PRKG1: variants seen among roughly 807,000 people sequenced by gnomAD.
PRKG1 encodes cGMP-dependent protein kinase 1.
In PRKG1, 35 loss-of-function variants were observed where a neutral mutation model predicts 88.1. That is an observed-to-expected ratio of 0.40 (90% confidence interval 0.30 to 0.53). PRKG1 has a LOEUF of 0.53. PRKG1 is among the 20% of genes least tolerant of loss of function. The probability of loss-of-function intolerance (pLI) is 0.59; values close to 1 mark genes in which losing one functional copy is unlikely to be tolerated. For missense variants in PRKG1, 540 were observed against 839.8 expected, an observed-to-expected ratio of 0.64 and a Z score of 4.41; for synonymous variants, 303 against 292.5, an observed-to-expected ratio of 1.04 and a Z score of -0.37.
At chr10:51,016,643 A>G (rs1203831923) in intron 1 of PRKG1, among the ~76,000 whole-genome samples, 1 of 125,542 alleles carries the variant, frequency 8.0e-6, no homozygotes, top group Non-Finnish European at 1.7e-5. Context: ...TTCTAACCAT[A>G]ACCCAGTGAA....
At chr10:51,776,283 T>G (rs1242265597) in intron 3 of PRKG1, among the ~76,000 whole-genome samples, 1 of 152,198 alleles carries the variant, frequency 6.6e-6, no homozygotes, top group Non-Finnish European at 1.5e-5. Flanking sequence ...CTAATTCCAC[T>G]TAGTGGTTGT....
In PRKG1 at chr10:51,313,923, GT is replaced by G. The variant is rs535845932; in HGVS notation, c.479-153796del. Among the ~76,000 whole-genome samples, 510 of 152,208 alleles carry G rather than the reference GT, an allele frequency of 3.4e-3. 1 individual carries two copies. The highest frequency in any genetic ancestry group is 4.1e-3 in the Non-Finnish European group (282 of 68,008). On this transcript the variant is annotated intron_variant, in intron 2 of 17. Transcript: ENST00000373980. ...TTTCATGAAAACATTTTTCTGAATA[GT>G]TTTGATTTGCATTTGGATGAATCCA...
At position 51,241,114 on chromosome 10, in the gene PRKG1, T is replaced by G. The variant is rs117860811; in HGVS notation, c.478+87784T>G. Among the ~76,000 whole-genome samples, 62 of 152,278 alleles carry G rather than the reference T, an allele frequency of 4.1e-4. No individual in the cohort carries two copies. The East Asian group carries it at 4.2e-3, about 10-fold the overall frequency. On this transcript the variant is annotated intron_variant, in intron 2 of 17. Coordinates refer to ENST00000373980, the MANE Select transcript of PRKG1 (RefSeq NM_006258.4). ...CCTATTAGGATCCCTGTTTTGAAGATGAACTGAGGCTCATGTTTAGCCCAA... is the reference window on the plus strand; with the variant it reads ...CCTATTAGGATCCCTGTTTTGAAGAGGAACTGAGGCTCATGTTTAGCCCAA...
intron 2 of PRKG1, among the ~76,000 whole-genome samples, chr10:51,345,266 T>A (rs1264175269): frequency 6.6e-6 from 1 of 152,196 alleles, no homozygotes; most frequent in African/African-American, 2.4e-5. Context: ...TTCTAGTGTT[T>A]TTATTATTAC....
chr10:51,380,899 C>T (rs1158181920), intron 2 of PRKG1, among the ~76,000 whole-genome samples: 2 of 152,092 alleles, frequency 1.3e-5, no homozygotes, highest in Non-Finnish European at 2.9e-5. Flanking sequence ...GGGAGAAGAA[C>T]TTGTGTGCTG....
At chr10:51,125,211 C>A (rs1438928704) in intron 1 of PRKG1, among the ~76,000 whole-genome samples, 1 of 151,942 alleles carries the variant, frequency 6.6e-6, no homozygotes, top group Non-Finnish European at 1.5e-5. Context: ...GTGGTCCCAG[C>A]TACTCATGAG....
chr10:52,214,440 C>T (rs561420434), intron 9 of PRKG1, among the ~76,000 whole-genome samples: 3 of 152,190 alleles, frequency 2.0e-5, no homozygotes, highest in South Asian at 2.1e-4. Flanking sequence ...GAATCATCAC[C>T]GCACTAACAT....
intron 2 of PRKG1, among the ~76,000 whole-genome samples, chr10:51,240,057 T>C (rs1391974290): frequency 2.0e-5 from 3 of 152,162 alleles, no homozygotes; most frequent in Non-Finnish European, 4.4e-5. Context: ...TCTGAGCAGG[T>C]ATTAATTTAG....
rs376397116 is a variant in PRKG1 at position 50,991,397 on chromosome 10, G to T, written c.19G>T (p.Asp7Tyr). Residue 7 changes from aspartate (D) to tyrosine (Y), a missense_variant, in exon 1 of 18, where the codon GAC (aspartate) becomes TAC (tyrosine). Asp to Tyr is a radical substitution (Grantham distance 160, BLOSUM62 -3). Coordinates refer to the PRKG1 transcript ENST00000401604. This position sits in a 1 kb window ranked among gnomAD's most constrained non-coding sequence, Gnocchi z 4.5. ...TGAAAAAATGAGCGAGCTAGAGGAA[G>T]ACTTTGCCAAGATTCTCATGCTCAA... 22 of 1,552,296 alleles carry T rather than the reference G, an allele frequency of 1.4e-5. No homozygotes were observed. Among genetic ancestry groups the T allele is most frequent in the Non-Finnish European group, 1.8e-5 (21 of 1,149,408 alleles).
At chr10:51,955,423 G>A (rs979578203) in intron 5 of PRKG1, among the ~76,000 whole-genome samples, 3 of 152,136 alleles carry the variant, frequency 2.0e-5, no homozygotes, top group African/African-American at 7.2e-5. Flanking sequence ...TTTTTCATAT[G>A]TACTATACTT....
intron 1 of PRKG1, among the ~76,000 whole-genome samples, chr10:51,135,914 G>A (rs1343799798): frequency 1.4e-5 from 2 of 147,784 alleles, no homozygotes; most frequent in Non-Finnish European, 3.0e-5. Context: ...GAAATATTTA[G>A]GAGGTAGCCA....
In PRKG1 at chr10:52,251,558, C is replaced by A. The variant is rs558904618; in HGVS notation, c.1077-12C>A. ...CTAAGAAATTTCCATTTTTTCACAT[C>A]AAAAAATCCAGATATGAAGCTGAAG... On this transcript the variant is annotated splice_polypyrimidine_tract_variant and intron_variant, in intron 9 of 17. Transcript: ENST00000373980. The A allele has an allele frequency of 1.6e-5, 26 of 1,610,702 alleles. No individual in the cohort carries two copies. Among genetic ancestry groups the A allele is most frequent in the Non-Finnish European group, 2.2e-5 (26 of 1,177,314 alleles).
At chr10:52,191,560 T>C (rs1194000772) in intron 9 of PRKG1, among the ~76,000 whole-genome samples, 1 of 152,218 alleles carries the variant, frequency 6.6e-6, no homozygotes, top group East Asian at 1.9e-4. Context: ...TTCCTCTTGA[T>C]AGCCTTTGTA....
chr10:51,747,335 C>T (rs1256914996), intron 3 of PRKG1, among the ~76,000 whole-genome samples: 1 of 152,128 alleles, frequency 6.6e-6, no homozygotes. Flanking sequence ...ACTCTGGGCA[C>T]TCTCAGGTTA....
At chr10:51,174,100 T>C (rs937100097) in intron 2 of PRKG1, among the ~76,000 whole-genome samples, 1 of 151,866 alleles carries the variant, frequency 6.6e-6, no homozygotes, top group African/African-American at 2.4e-5. Context: ...CACAAAAATA[T>C]AAGTATGTGA....
At chr10:51,506,866 G>T (rs539374121) in intron 3 of PRKG1, among the ~76,000 whole-genome samples, 2 of 152,200 alleles carry the variant, frequency 1.3e-5, no homozygotes, top group South Asian at 4.2e-4. Context: ...GTTTATTGCA[G>T]CACTAATCAC....
chr10:51,249,696 G>C (rs10996322), intron 2 of PRKG1, among the ~76,000 whole-genome samples: 13,825 of 151,748 alleles, frequency 0.091, 764 homozygotes, highest in Middle Eastern at 0.15. Flanking sequence ...AAATTGTTAT[G>C]TTTAACAAAG....
chr10:51,003,167 AC>A (rs1238784059), intron 1 of PRKG1, among the ~76,000 whole-genome samples: 1 of 1,814 alleles, frequency 5.5e-4, no homozygotes, highest in African/African-American at 0.011. Flanking sequence ...CAGGGCCAAA[AC>A]AACAACAACA....
At chr10:51,447,113 G>A (rs1483119572) in intron 2 of PRKG1, among the ~76,000 whole-genome samples, 2 of 151,920 alleles carry the variant, frequency 1.3e-5, no homozygotes, top group African/African-American at 2.4e-5. Context: ...ATCACCTATA[G>A]CCAAACACAT....
Sources: allele counts gnomAD v4.1 joint callset (sites outside exome capture counted in the v4.1 genomes callset), GRCh38; gene constraint gnomAD v4.1.1; non-coding constraint Gnocchi (gnomAD v3.1); transcripts MANE v1.5; gene names NCBI Gene and HGNC (gene_info 2026-07-23, HGNC 2026-07-21).